FTO: variants seen among roughly 807,000 people sequenced by gnomAD.
FTO encodes the protein FTO alpha-ketoglutarate dependent dioxygenase.
A neutral mutation model predicts 63.9 loss-of-function variants in FTO; 47 were observed. That is an observed-to-expected ratio of 0.74 (90% CI 0.58 to 0.94). FTO has a LOEUF of 0.94. FTO is among the 40% of genes least tolerant of loss of function. The probability of loss-of-function intolerance (pLI) is 0.00; values close to 1 mark genes in which losing one functional copy is unlikely to be tolerated. For missense variants in FTO, 562 were observed against 618.1 expected, an observed-to-expected ratio of 0.91 and a Z score of 0.96; for synonymous variants, 207 against 224.4, an observed-to-expected ratio of 0.92 and a Z score of 0.69.
chr16:53,830,412 G>A (rs1173870208), intron 3 of FTO, among the ~76,000 whole-genome samples: 2 of 152,168 alleles, frequency 1.3e-5, no homozygotes, highest in African/African-American at 4.8e-5. Context: ...CCAGCACCTT[G>A]TTCTTTGACT....
At chr16:53,827,344 T>C (rs1172323135) in intron 3 of FTO, among the ~76,000 whole-genome samples, 1 of 152,182 alleles carries the variant, frequency 6.6e-6, no homozygotes, top group Non-Finnish European at 1.5e-5. Flanking sequence ...CTTTCTTTTG[T>C]GTCTGATTAT....
chr16:53,980,984 G>A (rs1012341767), intron 8 of FTO, among the ~76,000 whole-genome samples: 2 of 152,126 alleles, frequency 1.3e-5, no homozygotes, highest in Non-Finnish European at 1.5e-5. Context: ...GAGATAACAT[G>A]GGTTCTCCAC....
intron 8 of FTO, among the ~76,000 whole-genome samples, chr16:54,106,544 TATA>T (rs77206093): frequency 0.22 from 31,298 of 141,726 alleles, 4,528 homozygotes; most frequent in Middle Eastern, 0.36. Flanking sequence ...TTATATATTA[TATA>T]ATATTAGATA....
intron 8 of FTO, among the ~76,000 whole-genome samples, chr16:54,060,774 G>A (rs192752158): frequency 6.6e-6 from 1 of 152,152 alleles, no homozygotes; most frequent in African/African-American, 2.4e-5. Flanking sequence ...CTTTATGGAG[G>A]TATTTTGTTT....
intron 8 of FTO, among the ~76,000 whole-genome samples, chr16:54,039,145 A>G (rs1169680466): frequency 1.3e-5 from 2 of 152,196 alleles, no homozygotes; most frequent in African/African-American, 2.4e-5. Flanking sequence ...AGTGGGCACT[A>G]CATGTGCCAC....
In FTO at chr16:54,118,413, G is replaced by A. The variant is rs1296839214; in HGVS notation, c.*6498G>A. The A allele has an allele frequency of 6.8e-6, 1 of 147,272 alleles. No individual in the cohort carries two copies. The highest frequency in any genetic ancestry group is 1.5e-5 in the Non-Finnish European group (1 of 67,338). 9.1% of individuals were successfully genotyped at this position (147,272 alleles called of 1,614,324 possible). A position where few individuals can be genotyped will look rare whatever the true frequency, so the allele number is the denominator to read the frequency against. The stretch of plus-strand genomic sequence containing the variant: ...CTCACCCTGTCACGTAGGCTGGAGT[G>A]CAGTGGTGAGATCACGGCTCACTGC... On this transcript the variant is annotated 3_prime_UTR_variant, in exon 9 of 9. Coordinates refer to ENST00000471389, the MANE Select transcript of FTO (RefSeq NM_001080432.3).
chr16:54,073,044 G>A (rs16952990), intron 8 of FTO, among the ~76,000 whole-genome samples: 2,176 of 152,252 alleles, frequency 0.014, 37 homozygotes, highest in African/African-American at 0.048. Context: ...TGGGATATGC[G>A]AAATCAAGTG....
chr16:53,856,240 G>A (rs924408991), intron 4 of FTO, among the ~76,000 whole-genome samples: 2 of 152,058 alleles, frequency 1.3e-5, no homozygotes, highest in Non-Finnish European at 2.9e-5. Context: ...GGACTAGGCC[G>A]GGAATGAGTT....
chr16:53,749,586 C>T (rs1279536423), intron 1 of FTO, among the ~76,000 whole-genome samples: 1 of 151,936 alleles, frequency 6.6e-6, no homozygotes, highest in Non-Finnish European at 1.5e-5. Context: ...CTACAGGCGC[C>T]CGCCATCACG....
At chr16:53,760,335 C>T (rs1253965383) in intron 1 of FTO, among the ~76,000 whole-genome samples, 1 of 151,396 alleles carries the variant, frequency 6.6e-6, no homozygotes, top group African/African-American at 2.4e-5. Flanking sequence ...GCAGCCTTGA[C>T]CTCTGAGGTT....
At chr16:53,830,051 C>G (rs1459759799) in intron 3 of FTO, among the ~76,000 whole-genome samples, 1 of 152,208 alleles carries the variant, frequency 6.6e-6, no homozygotes, top group Non-Finnish European at 1.5e-5. Flanking sequence ...CAAGACTCTG[C>G]TCTCAATACC....
At chr16:54,001,823 C>T (rs1254874534) in intron 8 of FTO, among the ~76,000 whole-genome samples, 1 of 152,198 alleles carries the variant, frequency 6.6e-6, no homozygotes, top group Non-Finnish European at 1.5e-5. Flanking sequence ...AACAGCCTCA[C>T]AAGACTCCAT....
chr16:54,053,881 A>G (rs75151525), intron 8 of FTO, among the ~76,000 whole-genome samples: 2,823 of 152,218 alleles, frequency 0.019, 86 homozygotes, highest in African/African-American at 0.064. Context: ...TAAATTTGTC[A>G]TTTTTCGTAA....
chr16:53,807,507 C>T (rs1223836674), intron 1 of FTO, among the ~76,000 whole-genome samples: 1 of 152,160 alleles, frequency 6.6e-6, no homozygotes, highest in Non-Finnish European at 1.5e-5. Context: ...ACCTATGGGA[C>T]AGGTCTGTTG....
chr16:53,746,214 C>T (rs151299466), intron 1 of FTO, among the ~76,000 whole-genome samples: 187 of 152,254 alleles, frequency 1.2e-3, no homozygotes, highest in Non-Finnish European at 2.2e-3. Flanking sequence ...GTATTATTTC[C>T]TGGTCAAGAC....
intron 6 of FTO, among the ~76,000 whole-genome samples, chr16:53,883,594 C>T (rs1010124082): frequency 7.2e-6 from 1 of 138,622 alleles, no homozygotes; most frequent in Non-Finnish European, 1.5e-5. Flanking sequence ...TGCACTCCAG[C>T]CTGGGCAACA....
At chr16:53,712,273 G>T (rs2075792793) in intron 1 of FTO, among the ~76,000 whole-genome samples, 1 of 151,924 alleles carries the variant, frequency 6.6e-6, no homozygotes, top group Non-Finnish European at 1.5e-5. Context: ...TATCTAAAGT[G>T]GACACTAAAT....
intron 4 of FTO, among the ~76,000 whole-genome samples, chr16:53,866,253 T>C: frequency 6.6e-6 from 1 of 152,176 alleles, no homozygotes; most frequent in East Asian, 1.9e-4. Context: ...TCTCACTTGG[T>C]CGTGGTGTAA....
intron 4 of FTO, among the ~76,000 whole-genome samples, chr16:53,856,327 G>A (rs1459281739): frequency 6.6e-6 from 1 of 150,794 alleles, no homozygotes; most frequent in Non-Finnish European, 1.5e-5. Context: ...AGGTTCCTTA[G>A]ACTTTGTAAT....
Sources: allele counts gnomAD v4.1 joint callset (sites outside exome capture counted in the v4.1 genomes callset), GRCh38; gene constraint gnomAD v4.1.1; transcripts MANE v1.5; gene names NCBI Gene and HGNC (gene_info 2026-07-23, HGNC 2026-07-21).